The following HMGB1 variants were observed in gnomAD, a reference collection of about 807,000 sequenced individuals.
The protein encoded by HMGB1 is high mobility group protein B1.
For synonymous variants in HMGB1, 81 were observed against 84.0 expected, an observed-to-expected ratio of 0.96 and a Z score of 0.19; for missense variants, 79 against 253.5, an observed-to-expected ratio of 0.31 and a Z score of 4.67.
At chr13:30,473,421 T>C (rs1344758819) in intron 1 of HMGB1, among the ~76,000 whole-genome samples, 1 of 152,158 alleles carries the variant, frequency 6.6e-6, no homozygotes, top group Non-Finnish European at 1.5e-5. Context: ...GAAAACGCAA[T>C]AGTAAAAGTT....
At chr13:30,534,616 CTTTTT>C (rs1216929821) in intron 1 of HMGB1, among the ~76,000 whole-genome samples, 1 of 124,720 alleles carries the variant, frequency 8.0e-6, no homozygotes, top group Admixed American at 8.3e-5. Context: ...GTTCAAGCTG[CTTTTT>C]TTTTTTTTTT....
At chr13:30,517,753 G>C (rs1345003453) in intron 1 of HMGB1, among the ~76,000 whole-genome samples, 1 of 152,130 alleles carries the variant, frequency 6.6e-6, no homozygotes, top group East Asian at 1.9e-4. Context: ...GCTTGTTCTG[G>C]TTCTGCATCT....
chr13:30,566,821 A>G (rs1414716533), intron 1 of HMGB1, among the ~76,000 whole-genome samples: 1 of 152,238 alleles, frequency 6.6e-6, no homozygotes, highest in Non-Finnish European at 1.5e-5. Flanking sequence ...AAAGCACCTT[A>G]AAAGGTAAGC....
At chr13:30,479,758 T>A (rs1168393841) in intron 1 of HMGB1, among the ~76,000 whole-genome samples, 1 of 152,198 alleles carries the variant, frequency 6.6e-6, no homozygotes, top group Admixed American at 6.5e-5. Context: ...TTCAATGAGC[T>A]CATATACCTA....
intron 1 of HMGB1, among the ~76,000 whole-genome samples, chr13:30,493,387 G>T (rs1175083553): frequency 6.6e-6 from 1 of 152,156 alleles, no homozygotes; most frequent in Non-Finnish European, 1.5e-5. Flanking sequence ...ATCGGTAAGT[G>T]GCAGAAAGCT....
At chr13:30,582,649 C>G (rs1398182686) in intron 1 of HMGB1, among the ~76,000 whole-genome samples, 1 of 149,284 alleles carries the variant, frequency 6.7e-6, no homozygotes, top group Non-Finnish European at 1.5e-5. Context: ...AAAAAAAAAA[C>G]AAAAACCATC....
At chr13:30,607,210 G>T (rs140093118) in intron 1 of HMGB1, among the ~76,000 whole-genome samples, 3 of 152,238 alleles carry the variant, frequency 2.0e-5, no homozygotes, top group African/African-American at 7.2e-5. Context: ...GCACCTCCCA[G>T]GAGACTATAA....
chr13:30,463,443 T>G (rs1886485559), intron 2 of HMGB1, 88 bp downstream of exon 2: 5 of 1,527,510 alleles, frequency 3.3e-6, no homozygotes, highest in Non-Finnish European at 4.5e-6. Flanking sequence ...AGCGTCCCAC[T>G]ACGAGAATGC....
chr13:30,499,716 T>G (rs7986442), intron 1 of HMGB1, among the ~76,000 whole-genome samples: 1 of 152,088 alleles, frequency 6.6e-6, no homozygotes, highest in East Asian at 1.9e-4. Context: ...TCTTAGGATC[T>G]TAAGACCAAA....
intron 4 of HMGB1, among the ~76,000 whole-genome samples, chr13:30,461,929 T>C (rs1318905454): frequency 2.0e-5 from 3 of 151,824 alleles, no homozygotes; most frequent in Non-Finnish European, 4.4e-5. Flanking sequence ...GGAAATGTGG[T>C]CTTAAAAAAA....
chr13:30,617,143 G>C (rs899186870), exon 1 of HMGB1: 1 of 152,256 alleles, frequency 6.6e-6, no homozygotes, highest in African/African-American at 2.4e-5. Flanking sequence ...GAGCAGCAGG[G>C]ACAGATCGGC....
intron 1 of HMGB1, among the ~76,000 whole-genome samples, chr13:30,600,611 CT>C (rs1166117661): frequency 6.0e-5 from 9 of 151,172 alleles, no homozygotes; most frequent in Non-Finnish European, 1.2e-4. Flanking sequence ...AAATCTGAAG[CT>C]TTTTTTTTCC....
chr13:30,533,404 A>G (rs1888540788), intron 1 of HMGB1, among the ~76,000 whole-genome samples: 1 of 152,160 alleles, frequency 6.6e-6, no homozygotes, highest in African/African-American at 2.4e-5. Context: ...TCACTCTGTC[A>G]CCCAGGCCAG....
At chr13:30,587,874 G>A (rs1593329330) in intron 1 of HMGB1, among the ~76,000 whole-genome samples, 1 of 152,208 alleles carries the variant, frequency 6.6e-6, no homozygotes, top group African/African-American at 2.4e-5. Flanking sequence ...GGGAGCTACT[G>A]TGTCCATTAC....
chr13:30,553,939 T>A lies in HMGB1; in HGVS notation c.-15+62732A>T, dbSNP rs118104745. 4.2e-4 allele frequency: 621 copies of A among 1,462,834 alleles called. 5 individuals carry two copies. The East Asian group carries it at 0.012, about 28-fold the overall frequency. 90.6% of individuals were successfully genotyped at this position (1,462,834 alleles called of 1,614,324 possible). A position where few individuals can be genotyped will look rare whatever the true frequency, so the allele number is the denominator to read the frequency against. On this transcript the variant is annotated intron_variant, in intron 1 of 4. Coordinates refer to the HMGB1 transcript ENST00000405805. ...AGTTACATCTTAACACCGGGTCCAC[T>A]TCCTAACATGTGCTGCCATTTCTGG...
intron 1 of HMGB1, among the ~76,000 whole-genome samples, chr13:30,500,668 A>C (rs1055126614): frequency 6.6e-6 from 1 of 150,586 alleles, no homozygotes; most frequent in Admixed American, 6.6e-5. Flanking sequence ...CAGCCTCCTG[A>C]GTAGCTGGGA....
intron 1 of HMGB1, chr13:30,539,878 C>A (rs906038303): frequency 6.5e-6 from 1 of 154,470 alleles, no homozygotes; most frequent in Admixed American, 6.5e-5. Context: ...TTCTTTTCCT[C>A]TGGCTGCTTG....
chr13:30,475,536 A>AC (rs1887075523), intron 1 of HMGB1, among the ~76,000 whole-genome samples: 1 of 151,530 alleles, frequency 6.6e-6, no homozygotes, highest in African/African-American at 2.4e-5. Context: ...AAAAAAAAAA[A>AC]AAAAAAATTC....
chr13:30,550,524 G>A lies in HMGB1; in HGVS notation c.-15+66147C>T, dbSNP rs899855213. Reference sequence around the variant, plus strand: ...CTCGTGTTTGTCGTACTTCCTTAATGTAGGGATTCTCTCTGTGTAACTACC... The same window carrying A: ...CTCGTGTTTGTCGTACTTCCTTAATATAGGGATTCTCTCTGTGTAACTACC... On this transcript the variant is annotated intron_variant, in intron 1 of 4. Transcript: ENST00000405805. Among the ~76,000 whole-genome samples the A allele has an allele frequency of 3.1e-4, 47 of 152,288 alleles. 1 individual carries two copies. The highest frequency in any genetic ancestry group is 1.0e-3 in the African/African-American group (43 of 41,548).
Sources: allele counts gnomAD v4.1 joint callset (sites outside exome capture counted in the v4.1 genomes callset), GRCh38; gene constraint gnomAD v4.1.1; transcripts MANE v1.5; gene names NCBI Gene and HGNC (gene_info 2026-07-23, HGNC 2026-07-21).